Variants in LRRIQ1 observed in about 807,000 individuals in gnomAD.
The protein encoded by LRRIQ1 is leucine-rich repeat- and IQ domain-containing protein 1.
A neutral mutation model predicts 211.9 loss-of-function variants in LRRIQ1; 210 were observed. The ratio of observed to expected loss-of-function variants is 0.99; its 90% CI spans 0.89 to 1.11. The LOEUF is 1.11. Ranked by LOEUF, LRRIQ1 falls within the 50% of genes most tolerant of loss-of-function variation. The probability of loss-of-function intolerance (pLI) is 0.00; values close to 1 mark genes in which losing one functional copy is unlikely to be tolerated. For synonymous variants in LRRIQ1, 699 were observed against 650.1 expected, an observed-to-expected ratio of 1.08 and a Z score of -1.14; for missense variants, 2,136 against 1,939.5, an observed-to-expected ratio of 1.10 and a Z score of -1.90.
At position 85,139,224 on chromosome 12, in the gene LRRIQ1, T is replaced by G. The variant is rs1889350598; in HGVS notation, c.4329+1255T>G. On this transcript the variant is annotated intron_variant, in intron 19 of 26. Coordinates refer to ENST00000393217, the MANE Select transcript of LRRIQ1 (RefSeq NM_001079910.2). ...CTTCAGGTTTAAAAAGGGCCCAGAA[T>G]AGGAAAGATCTTTTCAGCACACCCA... 2.0e-5 allele frequency among the ~76,000 whole-genome samples: 3 copies of G among 151,410 alleles called. No homozygotes were observed. The South Asian group carries it at 6.2e-4, about 31-fold the overall frequency.
At chr12:85,116,135 G>T (rs961392503) in intron 15 of LRRIQ1, among the ~76,000 whole-genome samples, 4 of 152,084 alleles carry the variant, frequency 2.6e-5, no homozygotes, top group African/African-American at 4.8e-5. Flanking sequence ...TTCTTTTTTT[G>T]TTGTTGTTTG....
At chr12:85,199,651 T>C (rs902125717) in intron 24 of LRRIQ1, among the ~76,000 whole-genome samples, 2 of 152,164 alleles carry the variant, frequency 1.3e-5, no homozygotes, top group South Asian at 2.1e-4. Context: ...AGGATACTTA[T>C]AATCATGGTA....
At chr12:85,167,164 T>G (rs1891189579) in intron 24 of LRRIQ1, among the ~76,000 whole-genome samples, 1 of 152,214 alleles carries the variant, frequency 6.6e-6, no homozygotes, top group Non-Finnish European at 1.5e-5. Context: ...CATTTAATTT[T>G]TTAGGAAGAC....
chr12:85,222,271 T>A (rs1230031217), intron 24 of LRRIQ1, among the ~76,000 whole-genome samples: 1 of 152,150 alleles, frequency 6.6e-6, no homozygotes, highest in Non-Finnish European at 1.5e-5. Context: ...GATATCATTA[T>A]ACGGAGAGAG....
rs1895921320 is a variant in LRRIQ1, at chr12:85,250,954, A to ATTATATATAATATATT, written c.121+6053_121+6054insAATATATTTTATATAT. Among the ~76,000 whole-genome samples, 5 of 112,432 alleles carry ATTATATATAATATATT rather than the reference A, an allele frequency of 4.4e-5. No homozygotes were observed. In the East Asian group the frequency reaches 1.2e-3, roughly 27 times the overall value. 73.8% of individuals were successfully genotyped at this position (112,432 alleles called of 152,430 possible). ...ATATTATATATAATATATTTTATAT[A>ATTATATATAATATATT]TTATATATTATATTATATATATTAT... On this transcript the variant is annotated intron_variant, in intron 1 of 1. Transcript: ENST00000602731.
chr12:85,128,084 T>A, intron 18 of LRRIQ1, 51 bp downstream of exon 18: 1 of 1,283,286 alleles, frequency 7.8e-7, no homozygotes, highest in Non-Finnish European at 1.1e-6. Context: ...ATTAGTTGTC[T>A]TTCATGATTT....
chr12:85,178,699 C>A (rs556702037), intron 24 of LRRIQ1, among the ~76,000 whole-genome samples: 19 of 151,918 alleles, frequency 1.3e-4, no homozygotes, highest in African/African-American at 4.6e-4. Context: ...TACCTGGGAC[C>A]CCTCCTTTTT....
chr12:85,230,788 G>T (rs573164079), intron 25 of LRRIQ1, among the ~76,000 whole-genome samples: 1 of 152,116 alleles, frequency 6.6e-6, no homozygotes, highest in African/African-American at 2.4e-5. Flanking sequence ...GGTGGCTCAC[G>T]CCTGTAATCC....
chr12:85,256,606 A>AGTG (rs1896102800), intron 1 of LRRIQ1, among the ~76,000 whole-genome samples: 1 of 151,676 alleles, frequency 6.6e-6, no homozygotes, highest in African/African-American at 2.4e-5. Flanking sequence ...ATCTATTCAC[A>AGTG]AGTCTTCACT....
At chr12:85,091,811 T>A (rs1267572826) in intron 11 of LRRIQ1, among the ~76,000 whole-genome samples, 1 of 152,196 alleles carries the variant, frequency 6.6e-6, no homozygotes, top group Non-Finnish European at 1.5e-5. Context: ...TAATTGTACG[T>A]GTATGGCTTT....
At chr12:85,090,711 A>G (rs142045025) in intron 11 of LRRIQ1, among the ~76,000 whole-genome samples, 25 of 152,078 alleles carry the variant, frequency 1.6e-4, no homozygotes, top group African/African-American at 6.0e-4. Flanking sequence ...CTTGTTTCTG[A>G]TTTTACAGAC....
At chr12:85,256,675 G>A (rs1035066395) in intron 1 of LRRIQ1, among the ~76,000 whole-genome samples, 1 of 151,464 alleles carries the variant, frequency 6.6e-6, no homozygotes, top group Non-Finnish European at 1.5e-5. Flanking sequence ...AGATGGTAAA[G>A]ATGAAATTAA....
chr12:85,060,144 G>A (rs1015309826), intron 8 of LRRIQ1, among the ~76,000 whole-genome samples: 1 of 151,816 alleles, frequency 6.6e-6, no homozygotes, highest in Non-Finnish European at 1.5e-5. Context: ...AATGCTGTAT[G>A]TAAAGAACAT....
In LRRIQ1 at chr12:85,152,299, G is replaced by T. The variant is rs1227589210; in HGVS notation, c.4349G>T (p.Trp1450Leu). ...GTGCAGGCTGCCTTAGAAGAAGAAT[G>T]GCTAGCATTAGATTCCACCCGCTTC... ...IFDEAALEEE[W>L]LALDSTRFPS... Residue 1450 changes from tryptophan (W) to leucine (L), a missense_variant, in exon 20 of 27, where the codon TGG becomes TTG. Coordinates refer to ENST00000393217, the MANE Select transcript of LRRIQ1 (RefSeq NM_001079910.2). 2 of 1,610,408 alleles carry T rather than the reference G, an allele frequency of 1.2e-6. No homozygotes were observed. The highest frequency in any genetic ancestry group is 1.7e-6 in the Non-Finnish European group (2 of 1,177,962).
intron 19 of LRRIQ1, among the ~76,000 whole-genome samples, chr12:85,142,591 G>C (rs766905926): frequency 2.6e-5 from 4 of 151,270 alleles, no homozygotes; most frequent in African/African-American, 4.8e-5. Context: ...TTTGTATGCT[G>C]TGACCAAGAT....
At chr12:85,124,692 C>G in intron 17 of LRRIQ1, 173 bp downstream of exon 17, 1 of 577,252 alleles carries the variant, frequency 1.7e-6, no homozygotes, top group Non-Finnish European at 3.0e-6. Flanking sequence ...GTGCACAAAT[C>G]ATTAATTATA....
chr12:85,061,565 A>G (rs140484337), intron 8 of LRRIQ1, among the ~76,000 whole-genome samples: 10 of 151,936 alleles, frequency 6.6e-5, no homozygotes, highest in Middle Eastern at 3.4e-3. Context: ...TTGTGCTTGT[A>G]TAGTTGATTG....
At chr12:85,086,310 T>C (rs1458061649) in intron 11 of LRRIQ1, among the ~76,000 whole-genome samples, 2 of 152,098 alleles carry the variant, frequency 1.3e-5, no homozygotes, top group East Asian at 1.9e-4. Context: ...TGGGGCCTGA[T>C]GGGAGGTGTT....
intron 24 of LRRIQ1, among the ~76,000 whole-genome samples, chr12:85,163,865 G>T (rs978483105): frequency 5.3e-5 from 8 of 151,694 alleles, no homozygotes; most frequent in South Asian, 2.1e-4. Context: ...GACCATTTTT[G>T]TCTGGCTACC....
Sources: gnomAD v4.1 joint callset for allele counts (sites outside exome capture counted in the v4.1 genomes callset) on GRCh38, gnomAD v4.1.1 for gene constraint, MANE v1.5 for transcripts, NCBI Gene and HGNC (gene_info 2026-07-23, HGNC 2026-07-21) for gene names.